MMP27: variants seen among roughly 807,000 people sequenced by gnomAD.
The protein encoded by MMP27 is matrix metallopeptidase 27, also known as matrix metalloproteinase-27.
In MMP27, 51 loss-of-function variants were observed where a neutral mutation model predicts 48.1. The ratio of observed to expected loss-of-function variants is 1.06; its 90% CI spans 0.85 to 1.34. MMP27 has a LOEUF of 1.34. MMP27 is among the 40% of genes most tolerant of loss of function. The pLI, the probability that MMP27 is intolerant of heterozygous loss-of-function variation, is 0.00. For synonymous variants in MMP27, 229 were observed against 208.9 expected, an observed-to-expected ratio of 1.10 and a Z score of -0.83; for missense variants, 698 against 619.3, an observed-to-expected ratio of 1.13 and a Z score of -1.35.
rs139972697 is a variant in MMP27 at position 102,702,701 on chromosome 11, C to A, written c.619+52G>T. ...CAGCTAGTTACAAAGCTATTCTTTT[C>A]AGGGATTCTTTAGAATAATAAGATT... On this transcript the variant is annotated intron_variant, in intron 4 of 9. Transcript: ENST00000260229. 7.7e-5 allele frequency: 118 copies of A among 1,541,608 alleles called. 1 individual carries two copies. In the African/African-American group the frequency reaches 1.5e-3, roughly 19 times the overall value.
Position 102,696,445 on chromosome 11 carries a change from G to T in MMP27, c.828C>A (p.Pro276=). 6.2e-7 allele frequency: 1 copy of T among 1,613,796 alleles called. No individual in the cohort carries two copies. The highest frequency in any genetic ancestry group is 8.5e-7 in the Non-Finnish European group (1 of 1,179,808). ...AAGTCAAGTCAGGGTCACAGGCATG[G>T]GGTATAGTGGGTTCCTTTGGCTTAG... The part of the protein sequence containing the change: ...EPAKPKEPTI[P]HACDPDLTFD... Residue 276 remains proline, a synonymous_variant, in exon 6 of 10, where the codon CCC becomes CCA. Transcript: ENST00000260229.
intron 2 of MMP27, 102 bp from the exon 3 acceptor site, chr11:102,703,220 G>A: frequency 9.1e-7 from 1 of 1,097,080 alleles, no homozygotes; most frequent in Non-Finnish European, 1.3e-6. Context: ...ATGTGCTGCA[G>A]TAACTTTGGT....
Position 102,695,004 on chromosome 11 carries a change from T to G in MMP27, c.996A>C (p.Ala332=). 1 of 1,614,042 alleles carries G rather than the reference T, an allele frequency of 6.2e-7. No homozygotes were observed. Among genetic ancestry groups the G allele is most frequent in the Non-Finnish European group, 8.5e-7 (1 of 1,179,960 alleles). The change falls in exon 7 of 10, where the codon GCA becomes GCC. Residue 332 remains alanine (A), a synonymous_variant. Coordinates refer to ENST00000260229, the MANE Select transcript of MMP27 (RefSeq NM_022122.3). ...WPSLPADLQA[A]YENPRDKILV... is the part of the protein sequence containing the mutation. ...GAATCTTATCTCTGGGGTTCTCGTA[T>G]GCAGCTTGCAGATCAGCTGGCAGAG...
intron 1 of MMP27, 113 bp downstream of exon 1, chr11:102,705,499 CA>C (rs2134280183): frequency 1.6e-6 from 1 of 628,978 alleles, no homozygotes; most frequent in Non-Finnish European, 2.7e-6. Flanking sequence ...AGTTCCTTCT[CA>C]CAAAAAAGTT....
At chr11:102,692,910 T>A in intron 9 of MMP27, 28 bp downstream of exon 9, 2 of 1,554,610 alleles carry the variant, frequency 1.3e-6, no homozygotes, top group East Asian at 4.5e-5. Flanking sequence ...CTCTCAAGTA[T>A]CCCAATAAGT....
intron 4 of MMP27, among the ~76,000 whole-genome samples, chr11:102,701,763 G>A (rs1272854571): frequency 6.6e-6 from 1 of 152,186 alleles, no homozygotes; most frequent in Non-Finnish European, 1.5e-5. Flanking sequence ...CTGGCACTTG[G>A]AAAAACAGTT....
intron 4 of MMP27, among the ~76,000 whole-genome samples, chr11:102,698,392 A>T (rs1591659364): frequency 6.6e-6 from 1 of 152,198 alleles, no homozygotes; most frequent in East Asian, 1.9e-4. Flanking sequence ...CATAACTTTA[A>T]TTGGTACTAG....
Position 102,696,427 on chromosome 11 carries a change from G to A in MMP27, c.846C>T (p.Asp282=). The A allele has an allele frequency of 6.2e-7, 1 of 1,613,862 alleles. No homozygotes were observed. The highest frequency in any genetic ancestry group is 8.5e-7 in the Non-Finnish European group (1 of 1,179,860). ...EPTIPHACDP[D]LTFDAITTFR... is the part of the protein sequence containing the mutation. ...AAGTTGTGATAGCGTCAAAAGTCAA[G>A]TCAGGGTCACAGGCATGGGGTATAG... The change falls in exon 6 of 10, where the codon GAC becomes GAT. Residue 282 remains aspartate, a synonymous_variant. Coordinates refer to ENST00000260229, the MANE Select transcript of MMP27 (RefSeq NM_022122.3).
chr11:102,704,676 C>A lies in MMP27; in HGVS notation c.202G>T (p.Ala68Ser), dbSNP rs150709764. The change falls in exon 2 of 10, where the codon GCA becomes TCA. Residue 68 changes from alanine (A) to serine (S), a missense_variant. By Grantham distance (99) the Ala-to-Ser change is moderately conservative (BLOSUM62 1). Coordinates refer to ENST00000260229, the MANE Select transcript of MMP27 (RefSeq NM_022122.3). ...LIDDKIREMQ[A>S]FFGLTVTGKL... ...CCAGTCACTGTCAATCCAAAAAATG[C>A]TTGCATTTCCCGAATTTTGTCATCT... 5.7e-5 allele frequency: 92 copies of A among 1,613,746 alleles called. No individual in the cohort carries two copies. In the Middle Eastern group the frequency reaches 8.2e-4, roughly 14 times the overall value.
rs528734512 is a variant in MMP27, at chr11:102,695,044, G to A, written c.956C>T (p.Ala319Val). Residue 319 changes from alanine to valine, a missense_variant, in exon 7 of 10, where the codon GCT becomes GTT. By Grantham distance (64) the Ala-to-Val change is moderately conservative (BLOSUM62 0). Transcript: ENST00000260229. ...AGCTGGCAGAGATGGCCAGAATGAA[G>A]CAATTAATTCAAACTCAACATCCGT... is the stretch of plus-strand genomic sequence containing the variant. ...DITDVEFELI[A>V]SFWPSLPADL... 4.3e-6 allele frequency: 7 copies of A among 1,613,828 alleles called. No individual in the cohort carries two copies. Among genetic ancestry groups the A allele is most frequent in the African/African-American group, 1.3e-5 (1 of 74,880 alleles).
At position 102,693,948 on chromosome 11, in the gene MMP27, G is replaced by A; in HGVS notation, c.1151C>T (p.Thr384Ile). Residue 384 changes from threonine to isoleucine, a missense_variant, in exon 8 of 10, where the codon ACC becomes ATC. Physicochemically the swap from Thr to Ile is moderately conservative, Grantham distance 89. Transcript: ENST00000260229. Reference protein sequence around the residue: ...KKIDAAVCDKTTRKTYFFVGI... With the variant: ...KKIDAAVCDKITRKTYFFVGI... ...CACAAAGAAGTAGGTTTTTCTTGTG[G>A]TCTTATCACAGACGGCTGCATCTAT... 3 of 1,610,398 alleles carry A rather than the reference G, an allele frequency of 1.9e-6. No individual in the cohort carries two copies. Among genetic ancestry groups the A allele is most frequent in the Non-Finnish European group, 2.5e-6 (3 of 1,178,312 alleles).
At position 102,702,657 on chromosome 11, in the gene MMP27, G is replaced by T. The variant is rs796926327; in HGVS notation, c.619+96C>A. On this transcript the variant is annotated intron_variant, in intron 4 of 9. Coordinates refer to ENST00000260229, the MANE Select transcript of MMP27 (RefSeq NM_022122.3). ...ATATGGAAAATTGTGGGGACATTGGGAACTTTACAGTTAAAAAGCAGCTAG... is the reference window on the plus strand; with the variant it reads ...ATATGGAAAATTGTGGGGACATTGGTAACTTTACAGTTAAAAAGCAGCTAG... 30 of 1,382,236 alleles carry T rather than the reference G, an allele frequency of 2.2e-5. 1 individual carries two copies. In the African/African-American group the frequency reaches 3.9e-4, roughly 18 times the overall value. The allele number at this position is 1,382,236 out of a possible 1,614,324, so 85.6% of individuals were successfully genotyped here. A position where few individuals can be genotyped will look rare whatever the true frequency, so the allele number is the denominator to read the frequency against.
At chr11:102,699,565 A>T (rs1203691097) in intron 4 of MMP27, among the ~76,000 whole-genome samples, 3 of 152,204 alleles carry the variant, frequency 2.0e-5, no homozygotes, top group Non-Finnish European at 4.4e-5. Context: ...AGCTTCCCTG[A>T]TGGAAATTTG....
At position 102,693,826 on chromosome 11, in the gene MMP27, A is replaced by T. The variant is rs1459685093; in HGVS notation, c.1193+80T>A. On this transcript the variant is annotated intron_variant, in intron 8 of 9. Coordinates refer to ENST00000260229, the MANE Select transcript of MMP27 (RefSeq NM_022122.3). The stretch of plus-strand genomic sequence containing the variant: ...TAAAAAATATTATGGATTCATTTTA[A>T]TTTTGTCTGTGTCAAAGTGATGCTA... 3.3e-6 allele frequency: 4 copies of T among 1,196,382 alleles called. No individual in the cohort carries two copies. In the Admixed American group the frequency reaches 8.1e-5, roughly 24 times the overall value. 74.1% of individuals were successfully genotyped at this position (1,196,382 alleles called of 1,614,324 possible).
chr11:102,700,116 G>A (rs1860911038), intron 4 of MMP27, among the ~76,000 whole-genome samples: 1 of 152,208 alleles, frequency 6.6e-6, no homozygotes, highest in African/African-American at 2.4e-5. Flanking sequence ...GGCAGCTTCT[G>A]TGTCCTATAT....
chr11:102,695,076 A>C lies in MMP27; in HGVS notation c.924T>G (p.Tyr308Ter). Reference sequence around the variant, plus strand: ...ATTCAAACTCAACATCCGTGATATCATAATAGATCCTCCATAGGTGCCTGT... The same window carrying C: ...ATTCAAACTCAACATCCGTGATATCCTAATAGATCCTCCATAGGTGCCTGT... ...FKGRHLWRIY[Y>*]DITDVEFELI... is the part of the protein sequence containing the mutation. Residue 308 changes from tyrosine to a stop codon, truncating the protein, a stop_gained, in exon 7 of 10, where the codon TAT becomes TAG. Coordinates refer to ENST00000260229, the MANE Select transcript of MMP27 (RefSeq NM_022122.3). LOFTEE classifies it high-confidence loss of function. 2 of 1,613,976 alleles carry C rather than the reference A, an allele frequency of 1.2e-6. No individual in the cohort carries two copies. The highest frequency in any genetic ancestry group is 1.7e-6 in the Non-Finnish European group (2 of 1,179,914).
intron 1 of MMP27, 92 bp from the exon 2 acceptor site, chr11:102,704,867 C>A: frequency 1.3e-6 from 1 of 745,792 alleles, no homozygotes; most frequent in South Asian, 1.9e-5. Flanking sequence ...CCTAAAATTC[C>A]TTCTGGCAAT....
chr11:102,702,890 C>G lies in MMP27; in HGVS notation c.491-9G>C. The G allele has an allele frequency of 1.9e-6, 3 of 1,612,716 alleles. No homozygotes were observed. Among genetic ancestry groups the G allele is most frequent in the Non-Finnish European group, 2.5e-6 (3 of 1,179,612 alleles). On this transcript the variant is annotated splice_polypyrimidine_tract_variant and intron_variant, in intron 3 of 9. Coordinates refer to ENST00000260229, the MANE Select transcript of MMP27 (RefSeq NM_022122.3). The stretch of plus-strand genomic sequence containing the variant: ...AGGACACCGACCATGGACTGAGATA[C>G]AATTTATGCGAGGAAAAAAGATCAG...
Position 102,700,578 on chromosome 11 carries a change from G to C in MMP27, c.619+2175C>G, listed in dbSNP as rs140314364. Among the ~76,000 whole-genome samples, 641 of 152,348 alleles carry C rather than the reference G, an allele frequency of 4.2e-3. 3 individuals are homozygous for C. The highest frequency in any genetic ancestry group is 6.3e-3 in the Admixed American group (97 of 15,300). On this transcript the variant is annotated intron_variant, in intron 4 of 9. Coordinates refer to ENST00000260229, the MANE Select transcript of MMP27 (RefSeq NM_022122.3). ...ACTCTTTTACAGGCAAAGAAATAGA[G>C]AGTAAGAAAATTACTTGACTTGCCC...
Sources: allele counts gnomAD v4.1 joint callset (sites outside exome capture counted in the v4.1 genomes callset), GRCh38; gene constraint gnomAD v4.1.1; transcripts MANE v1.5; gene names NCBI Gene and HGNC (gene_info 2026-07-23, HGNC 2026-07-21).